Variants in ROR1 observed in about 807,000 individuals in gnomAD.
ROR1 encodes the protein inactive tyrosine-protein kinase transmembrane receptor ROR1.
In ROR1, 19 loss-of-function variants were observed where a neutral mutation model predicts 78.8. That is an observed-to-expected ratio of 0.24 (90% CI 0.17 to 0.35). The LOEUF is 0.35. ROR1 is among the 10% of genes least tolerant of loss of function. The probability of loss-of-function intolerance (pLI) is 1.00; values close to 1 mark genes in which losing one functional copy is unlikely to be tolerated. For missense variants in ROR1, 917 were observed against 1,177.8 expected (o/e 0.78, Z 3.24); for synonymous variants, 386 against 433.6 (o/e 0.89, Z 1.36).
intron 1 of ROR1, among the ~76,000 whole-genome samples, chr1:63,939,485 A>G (rs1423422937): frequency 1.3e-5 from 2 of 152,220 alleles, no homozygotes; most frequent in Admixed American, 6.5e-5. Flanking sequence ...TGGAGAACAC[A>G]TTCTACATTC....
chr1:63,964,078 T>C (rs1463143958), intron 1 of ROR1, among the ~76,000 whole-genome samples: 1 of 152,220 alleles, frequency 6.6e-6, no homozygotes, highest in African/African-American at 2.4e-5. Flanking sequence ...GTATGTAATC[T>C]CTTTTGACTT....
Position 64,029,711 on chromosome 1 carries a change from A to G in ROR1, c.164-19980A>G, listed in dbSNP as rs373282090. 1.6e-4 allele frequency among the ~76,000 whole-genome samples: 24 copies of G among 151,994 alleles called. 1 individual carries two copies. Among genetic ancestry groups the G allele is most frequent in the African/African-American group, 4.6e-4 (19 of 41,458 alleles). On this transcript the variant is annotated intron_variant, in intron 2 of 8. Coordinates refer to ENST00000371079, the MANE Select transcript of ROR1 (RefSeq NM_005012.4). ...AGGCCACCAATCTTATCAGATTAAG[A>G]CCCCACCCTGATTACCTCATTAAAT...
intron 4 of ROR1, among the ~76,000 whole-genome samples, chr1:64,136,355 ATTTTTTT>A (rs561354647): frequency 7.2e-6 from 1 of 137,996 alleles, no homozygotes; most frequent in Non-Finnish European, 1.6e-5. Flanking sequence ...AAAACGGTGT[ATTTTTTT>A]TTTTTTTTTT....
At chr1:63,799,324 C>T (rs1644781455) in intron 1 of ROR1, among the ~76,000 whole-genome samples, 1 of 152,222 alleles carries the variant, frequency 6.6e-6, no homozygotes, top group African/African-American at 2.4e-5. Context: ...CAAAGCTCAT[C>T]ATGATCTAGC....
At chr1:64,050,971 G>A (rs773977548) in intron 4 of ROR1, among the ~76,000 whole-genome samples, 6 of 152,026 alleles carry the variant, frequency 3.9e-5, no homozygotes, top group Non-Finnish European at 8.8e-5. Flanking sequence ...TGTTTTAGAA[G>A]GAATCTAACA....
chr1:63,777,421 G>GA (rs1363251827), intron 1 of ROR1, among the ~76,000 whole-genome samples: 1 of 152,226 alleles, frequency 6.6e-6, no homozygotes, highest in East Asian at 1.9e-4. Flanking sequence ...AGAGATGCCT[G>GA]AAAATCCTCC....
chr1:64,127,993 C>T (rs1311702414), intron 4 of ROR1, among the ~76,000 whole-genome samples: 2 of 151,998 alleles, frequency 1.3e-5, no homozygotes, highest in South Asian at 2.1e-4. Flanking sequence ...AGGTTGGAGG[C>T]AGGGCTCTCA....
intron 7 of ROR1, among the ~76,000 whole-genome samples, chr1:64,157,356 C>G (rs763251728): frequency 1.3e-5 from 2 of 152,026 alleles, no homozygotes; most frequent in Non-Finnish European, 2.9e-5. Flanking sequence ...CTAGGCTGGT[C>G]TCAAATTCCT....
chr1:63,925,339 G>T (rs1460078140), intron 1 of ROR1, among the ~76,000 whole-genome samples: 3 of 150,836 alleles, frequency 2.0e-5, no homozygotes, highest in African/African-American at 7.3e-5. Flanking sequence ...CAAAGGACAT[G>T]AACTCATCAT....
At chr1:64,162,416 G>A (rs1254196428) in intron 8 of ROR1, among the ~76,000 whole-genome samples, 1 of 152,152 alleles carries the variant, frequency 6.6e-6, no homozygotes. Context: ...TCCCCAGAGA[G>A]GTAGGACAGT....
intron 2 of ROR1, among the ~76,000 whole-genome samples, chr1:64,035,901 C>T (rs1346422542): frequency 6.6e-6 from 1 of 152,156 alleles, no homozygotes; most frequent in Non-Finnish European, 1.5e-5. Flanking sequence ...GTCTGCTTTT[C>T]CTCACCCTCT....
At chr1:64,059,817 G>A (rs1465613355) in intron 4 of ROR1, among the ~76,000 whole-genome samples, 2 of 152,064 alleles carry the variant, frequency 1.3e-5, no homozygotes, top group African/African-American at 2.4e-5. Context: ...TTGCCAAGAG[G>A]TTTAAGGAAA....
At chr1:64,119,522 C>A (rs1261278959) in intron 4 of ROR1, among the ~76,000 whole-genome samples, 1 of 151,760 alleles carries the variant, frequency 6.6e-6, no homozygotes. Flanking sequence ...GCCTGTAATC[C>A]CAGTTACTTG....
chr1:63,867,307 A>G (rs1482537624), intron 1 of ROR1, among the ~76,000 whole-genome samples: 2 of 152,176 alleles, frequency 1.3e-5, no homozygotes, highest in Admixed American at 6.5e-5. Flanking sequence ...CAAAGCGCTC[A>G]CGGAGGTTTA....
intron 8 of ROR1, among the ~76,000 whole-genome samples, chr1:64,161,547 G>C (rs1327708942): frequency 1.3e-5 from 2 of 151,920 alleles, no homozygotes; most frequent in Non-Finnish European, 2.9e-5. Context: ...AATTTGGCTA[G>C]AGCAATAATA....
At chr1:63,780,812 C>T (rs1346541244) in intron 1 of ROR1, among the ~76,000 whole-genome samples, 1 of 152,182 alleles carries the variant, frequency 6.6e-6, no homozygotes, top group African/African-American at 2.4e-5. Context: ...AGAGCAACCC[C>T]TCCCAGGTGC....
chr1:63,907,591 A>G (rs1421301797), intron 1 of ROR1, among the ~76,000 whole-genome samples: 1 of 152,224 alleles, frequency 6.6e-6, no homozygotes, highest in Non-Finnish European at 1.5e-5. Context: ...ATTTAGAGCT[A>G]TAGTCCCTTC....
At chr1:63,861,664 G>A (rs1052123535) in intron 1 of ROR1, among the ~76,000 whole-genome samples, 3 of 152,170 alleles carry the variant, frequency 2.0e-5, no homozygotes, top group Non-Finnish European at 2.9e-5. Flanking sequence ...TTTGCAGAGG[G>A]GCATATGATT....
At chr1:64,098,632 C>T (rs1647395548) in intron 4 of ROR1, among the ~76,000 whole-genome samples, 2 of 152,096 alleles carry the variant, frequency 1.3e-5, no homozygotes. Flanking sequence ...GTCACACCTC[C>T]CTGTTTATAG....
Sources: allele counts gnomAD v4.1 joint callset (sites outside exome capture counted in the v4.1 genomes callset), GRCh38; gene constraint gnomAD v4.1.1; transcripts MANE v1.5; gene names NCBI Gene and HGNC (gene_info 2026-07-23, HGNC 2026-07-21).